The following GRIN2A variants were observed in gnomAD, a reference collection of about 807,000 sequenced individuals.
GRIN2A encodes glutamate receptor ionotropic, NMDA 2A.
In GRIN2A, 22 loss-of-function variants were observed where a neutral mutation model predicts 113.4. The observed-to-expected ratio is 0.19, with a 90% CI of 0.14 to 0.28. The LOEUF (loss-of-function observed/expected upper bound fraction) is 0.28. Among genes scored for constraint, GRIN2A ranks in the 10% least tolerant of loss-of-function variants. GRIN2A has a pLI of 1.00. For missense variants in GRIN2A, 1,502 were observed against 1,887.0 expected (o/e 0.80, Z 3.78); for synonymous variants, 827 against 738.4 (o/e 1.12, Z -1.94).
At chr16:9,805,784 A>G (rs1370816505) in intron 10 of GRIN2A, among the ~76,000 whole-genome samples, 2 of 152,184 alleles carry the variant, frequency 1.3e-5, no homozygotes, top group Non-Finnish European at 2.9e-5. Context: ...TATGCAGAGA[A>G]GCAGTGGAGG....
At chr16:10,122,763 G>T (rs567038766) in intron 2 of GRIN2A, among the ~76,000 whole-genome samples, 5 of 152,218 alleles carry the variant, frequency 3.3e-5, no homozygotes, top group African/African-American at 1.2e-4. Context: ...GGAAATTGAC[G>T]CACGATCAGC....
chr16:10,081,061 C>G (rs187278385), intron 2 of GRIN2A, among the ~76,000 whole-genome samples: 10 of 152,238 alleles, frequency 6.6e-5, no homozygotes, highest in African/African-American at 1.9e-4. Flanking sequence ...TTTGCAGAGT[C>G]CCAACTGCAG....
intron 7 of GRIN2A, among the ~76,000 whole-genome samples, chr16:9,839,940 C>T (rs1482282359): frequency 6.6e-6 from 1 of 151,914 alleles, no homozygotes; most frequent in African/African-American, 2.4e-5. Flanking sequence ...GTCTGGCCAA[C>T]ATGGCGAAAC....
At chr16:10,119,396 G>A (rs2048790706) in intron 2 of GRIN2A, among the ~76,000 whole-genome samples, 2 of 5,584 alleles carry the variant, frequency 3.6e-4, no homozygotes, top group Non-Finnish European at 2.6e-3. Context: ...TTGTTTTCAT[G>A]CTTAATATTT....
In GRIN2A at chr16:9,757,115, C is replaced by T. The variant is rs752138039; in HGVS notation, c.*6034G>A. 3 of 212,676 alleles carry T rather than the reference C, an allele frequency of 1.4e-5. No individual in the cohort carries two copies. The highest frequency in any genetic ancestry group is 2.3e-5 in the African/African-American group (1 of 44,222). The allele number at this position is 212,676 out of a possible 1,614,324, so 13.2% of individuals were successfully genotyped here. Reference sequence around the variant, plus strand: ...CTAATCCTTTGGGGAATTTTTTCAACCTTTTCTTGAGGCACATGTCATAAT... The same window carrying T: ...CTAATCCTTTGGGGAATTTTTTCAATCTTTTCTTGAGGCACATGTCATAAT... On this transcript the variant is annotated 3_prime_UTR_variant, in exon 13 of 13. Transcript: ENST00000330684.
At chr16:9,891,462 T>C (rs1233981569) in intron 3 of GRIN2A, among the ~76,000 whole-genome samples, 1 of 152,186 alleles carries the variant, frequency 6.6e-6, no homozygotes, top group East Asian at 1.9e-4. Context: ...GTTGAAAAAA[T>C]GACATTCCAT....
Position 10,180,069 on chromosome 16 carries a change from A to T in GRIN2A, c.343T>A (p.Phe115Ile), listed in dbSNP as rs2142388073. 1 of 1,614,128 alleles carries T rather than the reference A, an allele frequency of 6.2e-7. No individual in the cohort carries two copies. Among genetic ancestry groups the T allele is most frequent in the Non-Finnish European group, 8.5e-7 (1 of 1,179,980 alleles). ...DQEAVAQMLD[F>I]ISSHTFVPIL... ...GGGACGAAGGTGTGGGAGGAGATAA[A>T]ATCCAGCATCTGGGCTACGGCCTCC... The change falls in exon 2 of 13, where the codon TTT (phenylalanine) becomes ATT (isoleucine). Residue 115 changes from phenylalanine to isoleucine, a missense_variant. Transcript: ENST00000330684. The surrounding 1 kb of genome is among the most constrained non-coding windows in gnomAD (Gnocchi z 7.0).
At chr16:9,983,048 C>T (rs2045919476) in intron 2 of GRIN2A, among the ~76,000 whole-genome samples, 1 of 152,104 alleles carries the variant, frequency 6.6e-6, no homozygotes, top group African/African-American at 2.4e-5. Context: ...TACATGTATA[C>T]AATGTGTAAT....
intron 2 of GRIN2A, among the ~76,000 whole-genome samples, chr16:10,029,508 A>G (rs1365118727): frequency 1.3e-5 from 2 of 152,200 alleles, no homozygotes; most frequent in Admixed American, 6.5e-5. Context: ...CAAAAGAAAA[A>G]CAGTATTTTA....
chr16:10,074,034 G>T (rs980148530), intron 2 of GRIN2A, among the ~76,000 whole-genome samples: 1 of 151,612 alleles, frequency 6.6e-6, no homozygotes, highest in African/African-American at 2.4e-5. Flanking sequence ...CTCAACAATA[G>T]AAAGGCGACT....
intron 7 of GRIN2A, among the ~76,000 whole-genome samples, chr16:9,834,941 AG>A (rs1421922015): frequency 1.3e-4 from 20 of 152,224 alleles, no homozygotes; most frequent in Admixed American, 4.6e-4. Context: ...AGACCCAAAT[AG>A]TAAACCATAG....
At chr16:10,159,271 G>A (rs1350410111) in intron 2 of GRIN2A, among the ~76,000 whole-genome samples, 1 of 152,260 alleles carries the variant, frequency 6.6e-6, no homozygotes, top group African/African-American at 2.4e-5. Flanking sequence ...CATTGACAGA[G>A]AGAAGAAATC....
intron 3 of GRIN2A, among the ~76,000 whole-genome samples, chr16:9,903,238 G>C (rs2043967992): frequency 6.6e-6 from 1 of 152,086 alleles, no homozygotes; most frequent in African/African-American, 2.4e-5. Context: ...AAAGTGCTGG[G>C]ATTACAGGCG....
chr16:9,762,278 G>T lies in GRIN2A; in HGVS notation c.*871C>A. ...CAGAAGGGAGGAAATGCAAACTTAC[G>T]TACATAGGCGTCTTCGGGATAAACT... On this transcript the variant is annotated 3_prime_UTR_variant, in exon 13 of 13. Transcript: ENST00000330684. The T allele has an allele frequency of 4.4e-6, 1 of 225,868 alleles. No individual in the cohort carries two copies. The highest frequency in any genetic ancestry group is 2.2e-5 in the African/African-American group (1 of 44,986). 14.0% of individuals were successfully genotyped at this position (225,868 alleles called of 1,614,324 possible). A position where few individuals can be genotyped will look rare whatever the true frequency, so the allele number is the denominator to read the frequency against.
In GRIN2A at chr16:9,996,593, C is replaced by T. The variant is rs994629980; in HGVS notation, c.415-58042G>A. Reference sequence around the variant, plus strand: ...GGTGGGCACACCTGTAAGTAATATTCCAACTTCATTTGTCTACACATAATT... The same window carrying T: ...GGTGGGCACACCTGTAAGTAATATTTCAACTTCATTTGTCTACACATAATT... On this transcript the variant is annotated intron_variant, in intron 2 of 12. Coordinates refer to ENST00000330684, the MANE Select transcript of GRIN2A (RefSeq NM_001134407.3). Among the ~76,000 whole-genome samples the T allele has an allele frequency of 3.3e-5, 5 of 152,176 alleles. No individual in the cohort carries two copies. In the South Asian group the frequency reaches 6.2e-4, roughly 19 times the overall value.
intron 10 of GRIN2A, among the ~76,000 whole-genome samples, chr16:9,811,486 T>A (rs919740312): frequency 6.6e-6 from 1 of 152,114 alleles, no homozygotes; most frequent in African/African-American, 2.4e-5. Context: ...GGGCCAGGTG[T>A]GGTGGCTCAT....
At chr16:10,045,264 T>G (rs11074552) in intron 2 of GRIN2A, among the ~76,000 whole-genome samples, 113,302 of 152,186 alleles carry the variant, frequency 0.74, 42,446 homozygotes, top group East Asian at 0.97. Context: ...CTATTGTTAA[T>G]AACACAGATG....
At chr16:9,889,265 CT>C (rs1239943480) in intron 4 of GRIN2A, among the ~76,000 whole-genome samples, 2 of 151,956 alleles carry the variant, frequency 1.3e-5, no homozygotes, top group Non-Finnish European at 2.9e-5. Flanking sequence ...TCATAATATT[CT>C]TTTTATCTTT....
chr16:9,890,747 G>C (rs1287737915), intron 4 of GRIN2A, among the ~76,000 whole-genome samples: 1 of 152,130 alleles, frequency 6.6e-6, no homozygotes, highest in Non-Finnish European at 1.5e-5. Context: ...CTTTCCTACT[G>C]GGATTTGAGA....
Sources: gnomAD v4.1 joint callset for allele counts (sites outside exome capture counted in the v4.1 genomes callset) on GRCh38, gnomAD v4.1.1 for gene constraint, Gnocchi (gnomAD v3.1) non-coding constraint, MANE v1.5 for transcripts, NCBI Gene and HGNC (gene_info 2026-07-23, HGNC 2026-07-21) for gene names.